Variants in CNTNAP2 observed in about 807,000 individuals in gnomAD.
CNTNAP2 encodes the protein contactin associated protein 2.
In CNTNAP2, 98 loss-of-function variants were observed where a neutral mutation model predicts 155.2. The ratio of observed to expected loss-of-function variants is 0.63; its 90% CI spans 0.54 to 0.75. The LOEUF is 0.75. CNTNAP2 is among the 30% of genes least tolerant of loss of function. The pLI, the probability that CNTNAP2 is intolerant of heterozygous loss-of-function variation, is 0.00. For missense variants in CNTNAP2, 1,727 were observed against 1,688.1 expected (o/e 1.02, Z -0.40); for synonymous variants, 651 against 631.2 (o/e 1.03, Z -0.47).
At chr7:147,737,719 G>A (rs557893669) in intron 13 of CNTNAP2, among the ~76,000 whole-genome samples, 8 of 152,250 alleles carry the variant, frequency 5.3e-5, no homozygotes, top group South Asian at 2.1e-4. Context: ...CAGCAATGGC[G>A]GGCACCCCTC....
intron 15 of CNTNAP2, among the ~76,000 whole-genome samples, chr7:148,060,519 A>C (rs1487240027): frequency 6.6e-6 from 1 of 152,190 alleles, no homozygotes; most frequent in Non-Finnish European, 1.5e-5. Flanking sequence ...TGAATCCTTT[A>C]TCTATTAGAA....
rs116153223 is a variant in CNTNAP2, at chr7:147,534,251, C to A, written c.1778-27887C>A. On this transcript the variant is annotated intron_variant, in intron 11 of 23. Transcript: ENST00000361727. ...CTGGTGAACATCCTACAAAGCACTGCAGAGCCCCTGGCAAAGAATTTTCCA... is the reference window on the plus strand; with the variant it reads ...CTGGTGAACATCCTACAAAGCACTGAAGAGCCCCTGGCAAAGAATTTTCCA... 7.5e-3 allele frequency among the ~76,000 whole-genome samples: 1,147 copies of A among 152,266 alleles called. 15 individuals are homozygous for A. The highest frequency in any genetic ancestry group is 0.026 in the African/African-American group (1,097 of 41,528).
chr7:146,597,728 A>C (rs1798884611), intron 1 of CNTNAP2, among the ~76,000 whole-genome samples: 1 of 152,126 alleles, frequency 6.6e-6, no homozygotes, highest in Non-Finnish European at 1.5e-5. Context: ...ATAAATAATT[A>C]GATCAACATT....
intron 11 of CNTNAP2, among the ~76,000 whole-genome samples, chr7:147,524,449 A>G (rs1394731802): frequency 1.3e-5 from 2 of 152,190 alleles, no homozygotes; most frequent in Admixed American, 6.5e-5. Context: ...TAGGTCCCCA[A>G]CATTCACAGA....
At chr7:146,523,677 T>C (rs1411157475) in intron 1 of CNTNAP2, among the ~76,000 whole-genome samples, 1 of 152,170 alleles carries the variant, frequency 6.6e-6, no homozygotes, top group Non-Finnish European at 1.5e-5. Flanking sequence ...AGGCAAATTG[T>C]TTCTAATACG....
At chr7:147,745,882 A>G (rs970761647) in intron 13 of CNTNAP2, among the ~76,000 whole-genome samples, 1 of 152,236 alleles carries the variant, frequency 6.6e-6, no homozygotes, top group Non-Finnish European at 1.5e-5. Flanking sequence ...TCACTTTTAT[A>G]GTTTCCAAGT....
chr7:146,126,854 T>C (rs935987085), intron 1 of CNTNAP2, among the ~76,000 whole-genome samples: 1 of 152,196 alleles, frequency 6.6e-6, no homozygotes, highest in African/African-American at 2.4e-5. Flanking sequence ...ATTTCTTGTA[T>C]CCATCCGCTG....
At chr7:147,744,153 G>A (rs778256423) in intron 13 of CNTNAP2, among the ~76,000 whole-genome samples, 1 of 152,162 alleles carries the variant, frequency 6.6e-6, no homozygotes, top group Non-Finnish European at 1.5e-5. Flanking sequence ...ATATCACTGA[G>A]GCTAGGAGAT....
intron 13 of CNTNAP2, among the ~76,000 whole-genome samples, chr7:147,653,315 T>C (rs779813606): frequency 1.5e-4 from 23 of 152,266 alleles, no homozygotes; most frequent in Middle Eastern, 6.8e-3. Flanking sequence ...AAGTGACACA[T>C]CCAGTGTTTC....
chr7:146,495,354 A>G (rs1797198598), intron 1 of CNTNAP2, among the ~76,000 whole-genome samples: 1 of 152,204 alleles, frequency 6.6e-6, no homozygotes, highest in Non-Finnish European at 1.5e-5. Flanking sequence ...AATAGAGACA[A>G]TAAAAATTCA....
intron 8 of CNTNAP2, among the ~76,000 whole-genome samples, chr7:147,148,739 C>T (rs1801765400): frequency 6.6e-6 from 1 of 152,106 alleles, no homozygotes; most frequent in South Asian, 2.1e-4. Flanking sequence ...TTAAAGGTGG[C>T]ACATCTGGAG....
At chr7:147,830,999 A>ACAT (rs1488070476) in intron 13 of CNTNAP2, among the ~76,000 whole-genome samples, 1 of 152,216 alleles carries the variant, frequency 6.6e-6, no homozygotes, top group East Asian at 1.9e-4. Context: ...TGCTATCTAT[A>ACAT]CATAGGTATC....
At chr7:146,841,232 T>A (rs1317192288) in intron 3 of CNTNAP2, among the ~76,000 whole-genome samples, 1 of 152,168 alleles carries the variant, frequency 6.6e-6, no homozygotes, top group African/African-American at 2.4e-5. Context: ...ATACATAGTT[T>A]AGATTGGTTT....
At chr7:147,694,936 G>A (rs982218351) in intron 13 of CNTNAP2, among the ~76,000 whole-genome samples, 2 of 151,794 alleles carry the variant, frequency 1.3e-5, no homozygotes, top group Admixed American at 6.6e-5. Flanking sequence ...AGTTTATATG[G>A]CTGATTTTAG....
intron 1 of CNTNAP2, among the ~76,000 whole-genome samples, chr7:146,386,953 C>T (rs2129105898): frequency 1.3e-5 from 2 of 152,166 alleles, no homozygotes; most frequent in Middle Eastern, 6.8e-3. Context: ...TTCTTGTTTG[C>T]TTTCAAGAAC....
chr7:147,260,868 T>C (rs949099694), intron 8 of CNTNAP2, among the ~76,000 whole-genome samples: 2 of 152,194 alleles, frequency 1.3e-5, no homozygotes, highest in Non-Finnish European at 2.9e-5. Flanking sequence ...AGTATTACTT[T>C]ACAACTTGCC....
chr7:146,812,260 T>C (rs1259399577), intron 2 of CNTNAP2, among the ~76,000 whole-genome samples: 1 of 151,824 alleles, frequency 6.6e-6, no homozygotes, highest in African/African-American at 2.4e-5. Context: ...CCAGGTTGAG[T>C]TGGTCTCAGA....
chr7:146,649,077 A>G (rs1198239811), intron 1 of CNTNAP2, among the ~76,000 whole-genome samples: 1 of 152,168 alleles, frequency 6.6e-6, no homozygotes, highest in East Asian at 1.9e-4. Context: ...TGGATTTCTT[A>G]AGGAAACATT....
intron 1 of CNTNAP2, among the ~76,000 whole-genome samples, chr7:146,452,860 G>T (rs746065209): frequency 1.3e-5 from 2 of 152,136 alleles, no homozygotes; most frequent in African/African-American, 4.8e-5. Context: ...TTAGAGAAAA[G>T]AGAATATGAA....
Sources: allele counts gnomAD v4.1 joint callset (sites outside exome capture counted in the v4.1 genomes callset), GRCh38; gene constraint gnomAD v4.1.1; transcripts MANE v1.5; gene names NCBI Gene and HGNC (gene_info 2026-07-23, HGNC 2026-07-21).